The following ASAP1 variants were observed in gnomAD, a reference collection of about 807,000 sequenced individuals.
The protein encoded by ASAP1 is ArfGAP with SH3 domain, ankyrin repeat and PH domain 1, also known as arf-GAP with SH3 domain, ANK repeat and PH domain-containing protein 1.
A neutral mutation model predicts 145.2 loss-of-function variants in ASAP1; 43 were observed. That is an observed-to-expected ratio of 0.30 (90% CI 0.23 to 0.38). The LOEUF (loss-of-function observed/expected upper bound fraction) is 0.38. Among genes scored for constraint, ASAP1 ranks in the 10% least tolerant of loss-of-function variants. The pLI is 1.00. For missense variants in ASAP1, 1,018 were observed against 1,355.3 expected (o/e 0.75, Z 3.91); for synonymous variants, 546 against 515.5 (o/e 1.06, Z -0.80).
At chr8:130,099,987 T>A (rs1422368780) in intron 24 of ASAP1, among the ~76,000 whole-genome samples, 1 of 152,194 alleles carries the variant, frequency 6.6e-6, no homozygotes, top group Non-Finnish European at 1.5e-5. Context: ...GGTGCAGGTA[T>A]CCCTTTAATA....
At chr8:130,386,844 C>G (rs1478358525) in intron 2 of ASAP1, 1 of 152,210 alleles carries the variant, frequency 6.6e-6, no homozygotes, top group Admixed American at 6.5e-5. Context: ...AAAACTGTCA[C>G]TCCACACTTC....
intron 1 of ASAP1, among the ~76,000 whole-genome samples, chr8:130,403,746 G>A (rs551295176): frequency 1.1e-4 from 17 of 151,974 alleles, no homozygotes; most frequent in Non-Finnish European, 2.1e-4. Context: ...TAGAGACAGG[G>A]TTTCGCCATG....
At chr8:130,188,313 A>G in intron 5 of ASAP1, 130 bp from the exon 6 acceptor site, 1 of 712,872 alleles carries the variant, frequency 1.4e-6, no homozygotes, top group Non-Finnish European at 2.5e-6. Context: ...GCATTATTTC[A>G]TTGAACCTAC....
intron 25 of ASAP1, among the ~76,000 whole-genome samples, chr8:130,090,233 C>A (rs1046513232): frequency 1.3e-5 from 2 of 152,070 alleles, no homozygotes; most frequent in Admixed American, 6.5e-5. Flanking sequence ...CGAGTCTATA[C>A]AATGTGAATA....
chr8:130,122,963 C>T (rs1172802808), intron 18 of ASAP1, among the ~76,000 whole-genome samples: 1 of 152,252 alleles, frequency 6.6e-6, no homozygotes, highest in East Asian at 1.9e-4. Flanking sequence ...TGCTTGAGCA[C>T]TTGCTGTTAT....
intron 11 of ASAP1, among the ~76,000 whole-genome samples, chr8:130,162,575 T>A (rs928998038): frequency 1.3e-5 from 2 of 152,030 alleles, no homozygotes; most frequent in Admixed American, 1.3e-4. Context: ...TCCCAGCACT[T>A]TGGGAGGCTG....
chr8:130,180,635 A>T (rs1429631202), intron 8 of ASAP1, 116 bp downstream of exon 8: 46 of 1,250,352 alleles, frequency 3.7e-5, no homozygotes, highest in Non-Finnish European at 4.8e-5. Context: ...CTTAAGAAAC[A>T]GTTTCCTCTC....
chr8:130,335,831 A>C (rs933175270), intron 3 of ASAP1, among the ~76,000 whole-genome samples: 1 of 152,236 alleles, frequency 6.6e-6, no homozygotes, highest in African/African-American at 2.4e-5. Flanking sequence ...GTAGGCTTGA[A>C]TCTAAACAAG....
At chr8:130,182,460 G>A (rs772956471) in intron 7 of ASAP1, among the ~76,000 whole-genome samples, 8 of 152,186 alleles carry the variant, frequency 5.3e-5, no homozygotes, top group Non-Finnish European at 1.2e-4. Flanking sequence ...AAGCAGGAGC[G>A]TGAAAGAACT....
At chr8:130,119,779 T>C (rs1278722028) in intron 18 of ASAP1, among the ~76,000 whole-genome samples, 3 of 151,948 alleles carry the variant, frequency 2.0e-5, no homozygotes, top group Non-Finnish European at 2.9e-5. Context: ...CATAGTAAAC[T>C]GCTTAATCGT....
chr8:130,248,848 A>G (rs1165945963), intron 3 of ASAP1, among the ~76,000 whole-genome samples: 5 of 152,182 alleles, frequency 3.3e-5, no homozygotes, highest in African/African-American at 7.2e-5. Context: ...CCCGGACACC[A>G]AAGTCACATT....
At chr8:130,056,246 T>TG (rs1394913141) in intron 29 of ASAP1, among the ~76,000 whole-genome samples, 2 of 152,172 alleles carry the variant, frequency 1.3e-5, no homozygotes, top group African/African-American at 4.8e-5. Context: ...CTGATTCACG[T>TG]GGGGGGGCTT....
chr8:130,342,196 G>A lies in ASAP1; in HGVS notation c.186+15821C>T, dbSNP rs537942116. Among the ~76,000 whole-genome samples the A allele has an allele frequency of 4.6e-5, 7 of 152,272 alleles. 1 individual carries two copies. In the South Asian group the frequency reaches 1.5e-3, roughly 32 times the overall value. Reference sequence around the variant, plus strand: ...AGTCTTAGGGGGTGAGGAGGATGAAGAAGGCAAATTGGCAAGGGTGGCACT... The same window carrying A: ...AGTCTTAGGGGGTGAGGAGGATGAAAAAGGCAAATTGGCAAGGGTGGCACT... On this transcript the variant is annotated intron_variant, in intron 3 of 29. Transcript: ENST00000518721.
rs1275514361 is a variant in ASAP1 at position 130,118,171 on chromosome 8, C to T, written c.1870G>A (p.Val624Ile). 3.1e-6 allele frequency: 5 copies of T among 1,613,512 alleles called. No homozygotes were observed. The highest frequency in any genetic ancestry group is 1.6e-4 in the Middle Eastern group (1 of 6,082). ...AAACAAAAACGATACCAGTTTTGTA[C>T]AAGGAAGTCAACCAAATGGAGAGAT... ...QTSLHLVDFL[V>I]QNCGNLDKQT... The change falls in exon 20 of 30, where the codon GTA becomes ATA. Residue 624 changes from valine to isoleucine, a missense_variant. Coordinates refer to ENST00000518721, the MANE Select transcript of ASAP1 (RefSeq NM_018482.4).
intron 11 of ASAP1, among the ~76,000 whole-genome samples, chr8:130,162,726 A>G (rs1337893596): frequency 3.9e-5 from 6 of 151,936 alleles, no homozygotes; most frequent in Admixed American, 1.3e-4. Context: ...GCTGAGGCAG[A>G]AGAATGGCGT....
intron 3 of ASAP1, among the ~76,000 whole-genome samples, chr8:130,308,524 T>C (rs948839799): frequency 1.3e-5 from 2 of 152,220 alleles, no homozygotes; most frequent in African/African-American, 4.8e-5. Context: ...CTAAGATCTT[T>C]TGATAAAACA....
intron 2 of ASAP1, among the ~76,000 whole-genome samples, chr8:130,359,401 T>C (rs1826586443): frequency 6.6e-6 from 1 of 152,074 alleles, no homozygotes; most frequent in Non-Finnish European, 1.5e-5. Flanking sequence ...ATCCATTTAA[T>C]TTCTCACCAT....
intron 2 of ASAP1, among the ~76,000 whole-genome samples, chr8:130,376,500 G>A (rs967591108): frequency 6.6e-6 from 1 of 152,172 alleles, no homozygotes; most frequent in Non-Finnish European, 1.5e-5. Context: ...GGCCGAGGTG[G>A]GTGGATCATG....
chr8:130,080,393 G>A (rs115844175), intron 25 of ASAP1, among the ~76,000 whole-genome samples: 1,653 of 151,966 alleles, frequency 0.011, 28 homozygotes, highest in African/African-American at 0.038. Flanking sequence ...ATGTGCATGT[G>A]AACACCATTA....
Sources: allele counts gnomAD v4.1 joint callset (sites outside exome capture counted in the v4.1 genomes callset), GRCh38; gene constraint gnomAD v4.1.1; transcripts MANE v1.5; gene names NCBI Gene and HGNC (gene_info 2026-07-23, HGNC 2026-07-21).